VWC2: variants seen among roughly 807,000 people sequenced by gnomAD.
The protein encoded by VWC2 is brorin.
Under a neutral mutation model 29.8 loss-of-function variants are expected in VWC2, and 14 were observed. That is an observed-to-expected ratio of 0.47 (90% CI 0.31 to 0.74). The LOEUF (loss-of-function observed/expected upper bound fraction) is 0.74. Ranked by LOEUF, VWC2 falls within the 30% of genes least tolerant of loss-of-function variation. The pLI, the probability that VWC2 is intolerant of heterozygous loss-of-function variation, is 0.05. For synonymous variants in VWC2, 213 were observed against 199.0 expected (o/e 1.07, Z -0.59); for missense variants, 457 against 459.8 (o/e 0.99, Z 0.05).
intron 3 of VWC2, among the ~76,000 whole-genome samples, chr7:49,892,021 G>C (rs1179288248): frequency 7.4e-6 from 1 of 135,780 alleles, no homozygotes; most frequent in African/African-American, 2.7e-5. Context: ...TGGCAGAACA[G>C]ACAAAGTAGA....
chr7:49,832,362 C>T (rs1192279141), intron 3 of VWC2, among the ~76,000 whole-genome samples: 1 of 151,908 alleles, frequency 6.6e-6, no homozygotes, highest in African/African-American at 2.4e-5. Context: ...ACAGAATTTG[C>T]TGAGAAATAG....
chr7:49,908,870 T>C (rs1793245684), intron 3 of VWC2, among the ~76,000 whole-genome samples: 1 of 152,206 alleles, frequency 6.6e-6, no homozygotes, highest in African/African-American at 2.4e-5. Context: ...AAGACTTCAA[T>C]GTGTTGCAAA....
intron 2 of VWC2, among the ~76,000 whole-genome samples, chr7:49,798,112 G>A (rs937778383): frequency 2.0e-5 from 3 of 152,210 alleles, no homozygotes; most frequent in African/African-American, 7.2e-5. Flanking sequence ...TGATGTGCTC[G>A]GCATCTTACC....
chr7:49,836,638 CAATAAATA>C (rs3062195), intron 3 of VWC2, among the ~76,000 whole-genome samples: 47,516 of 145,164 alleles, frequency 0.33, 8,208 homozygotes, highest in Middle Eastern at 0.4. Context: ...GACTCCATCT[CAATAAATA>C]AATAAATAAA....
At chr7:49,815,135 T>C (rs1789106323) in intron 3 of VWC2, among the ~76,000 whole-genome samples, 1 of 152,234 alleles carries the variant, frequency 6.6e-6, no homozygotes, top group Non-Finnish European at 1.5e-5. Flanking sequence ...GAGGCACTTA[T>C]TGTTTATTTC....
At chr7:49,877,948 G>A (rs1162701256) in intron 3 of VWC2, among the ~76,000 whole-genome samples, 4 of 151,972 alleles carry the variant, frequency 2.6e-5, no homozygotes, top group Non-Finnish European at 4.4e-5. Context: ...TCATTTTGGG[G>A]TTTAGTGCCA....
chr7:49,824,874 T>C (rs907608036), intron 3 of VWC2, among the ~76,000 whole-genome samples: 1 of 152,128 alleles, frequency 6.6e-6, no homozygotes, highest in African/African-American at 2.4e-5. Flanking sequence ...AATCTTGTAT[T>C]TCCTACCTTG....
In VWC2 at chr7:49,913,697, G is replaced by T. The variant is rs1419917782; in HGVS notation, c.*1512G>T. ...GAAATCATAATGTATTGTATTAGGA[G>T]CCAAACTAGAGACCAGCAAATGGAG... On this transcript the variant is annotated 3_prime_UTR_variant, in exon 4 of 4. Transcript: ENST00000340652. The T allele has an allele frequency of 6.6e-6, 1 of 152,116 alleles. No individual in the cohort carries two copies. The highest frequency in any genetic ancestry group is 1.5e-5 in the Non-Finnish European group (1 of 68,016). 9.4% of individuals were successfully genotyped at this position (152,116 alleles called of 1,614,324 possible).
intron 3 of VWC2, among the ~76,000 whole-genome samples, chr7:49,810,136 TAC>T (rs1788973627): frequency 6.6e-6 from 1 of 151,786 alleles, no homozygotes; most frequent in South Asian, 2.1e-4. Context: ...TACACGTGCA[TAC>T]ACACACATAC....
intron 3 of VWC2, among the ~76,000 whole-genome samples, chr7:49,803,764 G>A (rs1209346483): frequency 6.6e-6 from 1 of 152,174 alleles, no homozygotes; most frequent in African/African-American, 2.4e-5. Flanking sequence ...GGTGACACAG[G>A]GGTGGTCATG....
At chr7:49,878,959 A>C (rs181887158) in intron 3 of VWC2, among the ~76,000 whole-genome samples, 4 of 152,294 alleles carry the variant, frequency 2.6e-5, no homozygotes, top group Admixed American at 2.6e-4. Context: ...AAAGTTTGCC[A>C]AGCCCTGGGT....
intron 3 of VWC2, among the ~76,000 whole-genome samples, chr7:49,830,730 C>G (rs796882644): frequency 3.9e-4 from 59 of 152,198 alleles, no homozygotes; most frequent in African/African-American, 1.4e-3. Context: ...CAAGTGTTCT[C>G]ATTGTTCAAT....
At chr7:49,864,583 C>T in intron 3 of VWC2, among the ~76,000 whole-genome samples, 1 of 152,190 alleles carries the variant, frequency 6.6e-6, no homozygotes, top group East Asian at 1.9e-4. Flanking sequence ...TAGTTGGCTG[C>T]AGGTTGTTGT....
At chr7:49,775,230 C>T in intron 1 of VWC2, 103 bp from the exon 2 acceptor site, 1 of 282,514 alleles carries the variant, frequency 3.5e-6, no homozygotes, top group Non-Finnish European at 6.5e-6. Context: ...CCCCGTCGCC[C>T]AGCTCGTTAA....
chr7:49,904,805 G>C (rs1017634552), intron 3 of VWC2, among the ~76,000 whole-genome samples: 1 of 147,712 alleles, frequency 6.8e-6, no homozygotes, highest in South Asian at 2.1e-4. Context: ...GCGCGATCTC[G>C]GCTCACTGCA....
intron 3 of VWC2, among the ~76,000 whole-genome samples, chr7:49,873,499 T>C (rs1194301623): frequency 6.6e-6 from 1 of 152,152 alleles, no homozygotes; most frequent in African/African-American, 2.4e-5. Context: ...ATATGAAATC[T>C]GGGGGGCACA....
At chr7:49,904,417 A>T (rs1006221734) in intron 3 of VWC2, among the ~76,000 whole-genome samples, 6 of 152,238 alleles carry the variant, frequency 3.9e-5, no homozygotes, top group Non-Finnish European at 8.8e-5. Context: ...AATAAAACAA[A>T]TTTTTAAAAA....
chr7:49,880,729 G>C (rs1331615471), intron 3 of VWC2, among the ~76,000 whole-genome samples: 1 of 152,054 alleles, frequency 6.6e-6, no homozygotes, highest in Non-Finnish European at 1.5e-5. Flanking sequence ...TACACCTAAT[G>C]TAAATGACGA....
At chr7:49,857,884 G>A (rs1210618537) in intron 3 of VWC2, among the ~76,000 whole-genome samples, 1 of 152,204 alleles carries the variant, frequency 6.6e-6, no homozygotes, top group Admixed American at 6.5e-5. Flanking sequence ...AAGTGGTGGT[G>A]AGGGCATCTG....
Sources: allele counts gnomAD v4.1 joint callset (sites outside exome capture counted in the v4.1 genomes callset), GRCh38; gene constraint gnomAD v4.1.1; transcripts MANE v1.5; gene names NCBI Gene and HGNC (gene_info 2026-07-23, HGNC 2026-07-21).